UNC45B: variants seen among roughly 807,000 people sequenced by gnomAD.
UNC45B encodes protein unc-45 homolog B.
UNC45B carries 78 observed loss-of-function variants against 98.7 expected under a neutral mutation model. The observed-to-expected ratio is 0.79, with a 90% CI of 0.66 to 0.95. The LOEUF (loss-of-function observed/expected upper bound fraction) is 0.95. UNC45B is among the 40% of genes least tolerant of loss of function. The pLI is 0.00. For missense variants in UNC45B, 1,225 were observed against 1,184.9 expected, an observed-to-expected ratio of 1.03 and a Z score of -0.50; for synonymous variants, 462 against 480.4, an observed-to-expected ratio of 0.96 and a Z score of 0.50.
Position 35,175,715 on chromosome 17 carries a change from A to G in UNC45B, c.1959-253A>G, listed in dbSNP as rs4795062. ...TGAAAAGCTTCTCCTGGGTGGTTGC[A>G]TCCCTAAATAGTGATAGTGGGGAGT... On this transcript the variant is annotated intron_variant, in intron 14 of 19. Transcript: ENST00000394570. 0.79 allele frequency among the ~76,000 whole-genome samples: 119,615 copies of G among 152,028 alleles called. 47,227 individuals are homozygous for G. The highest frequency in any genetic ancestry group is 0.92 in the East Asian group (4,742 of 5,164).
chr17:35,180,655 C>A lies in UNC45B; in HGVS notation c.2352C>A (p.Cys784Ter). ...QLRQAATECM[C>*]NMVLHKEVQE... ...GGCAGGCGGCCACCGAGTGCATGTG[C>A]AACATGGTGCTCCACAAGGAGGTGA... Residue 784 changes from cysteine (C) to a stop codon, truncating the protein, a stop_gained, in exon 18 of 20, where the codon TGC becomes TGA. Coordinates refer to ENST00000394570, the MANE Select transcript of UNC45B (RefSeq NM_001267052.2). LOFTEE classifies it high-confidence loss of function. 1.2e-6 allele frequency: 2 copies of A among 1,613,490 alleles called. No individual in the cohort carries two copies. Among genetic ancestry groups the A allele is most frequent in the Non-Finnish European group, 1.7e-6 (2 of 1,179,828 alleles).
At position 35,186,348 on chromosome 17, in the gene UNC45B, T is replaced by A. The variant is rs1284610242; in HGVS notation, c.2579T>A (p.Leu860Gln). Residue 860 changes from leucine to glutamine, a missense_variant, in exon 20 of 20, where the codon CTG becomes CAG. Coordinates refer to ENST00000394570, the MANE Select transcript of UNC45B (RefSeq NM_001267052.2). ...ILQRLCLHDQ[L>Q]SVQHRGLVIA... ...CAGCGGCTTTGCCTGCACGACCAGC[T>A]GTCTGTCCAACACCGGGGCCTGGTC... 6.2e-7 allele frequency: 1 copy of A among 1,614,186 alleles called. No homozygotes were observed. The highest frequency in any genetic ancestry group is 1.1e-5 in the South Asian group (1 of 91,074).
intron 13 of UNC45B, 144 bp downstream of exon 13, chr17:35,171,606 T>C: frequency 1.1e-6 from 1 of 904,680 alleles, no homozygotes; most frequent in Non-Finnish European, 1.6e-6. Context: ...TTGAATATGT[T>C]AATGGTAAAC....
chr17:35,170,729 G>C (rs950627656), intron 12 of UNC45B, among the ~76,000 whole-genome samples: 3 of 151,896 alleles, frequency 2.0e-5, no homozygotes, highest in African/African-American at 7.3e-5. Flanking sequence ...CCAGCTACTC[G>C]GGAGGCTGAG....
rs545484956 is a variant in UNC45B, at chr17:35,154,913, A to G, written c.639+172A>G. ...GAAATGGGTTTCACTAAGCAAAGAC[A>G]AGTTACTGAAAGTGCCTAAGGCAGA... is the stretch of plus-strand genomic sequence containing the variant. On this transcript the variant is annotated intron_variant, in intron 6 of 19. Coordinates refer to ENST00000394570, the MANE Select transcript of UNC45B (RefSeq NM_001267052.2). Among the ~76,000 whole-genome samples, 6 of 152,382 alleles carry G rather than the reference A, an allele frequency of 3.9e-5. No individual in the cohort carries two copies. In the East Asian group the frequency reaches 1.2e-3, roughly 29 times the overall value.
rs558809863 is a variant in UNC45B at position 35,160,327 on chromosome 17, T to C, written c.979+782T>C. ...ATTTAACCTTTTATCTGTAGCTATC[T>C]GCTTAGGAATAAAAGGAAAGGCAGT... is the stretch of plus-strand genomic sequence containing the variant. On this transcript the variant is annotated intron_variant, in intron 8 of 19. Coordinates refer to ENST00000394570, the MANE Select transcript of UNC45B (RefSeq NM_001267052.2). Among the ~76,000 whole-genome samples, 6 of 152,358 alleles carry C rather than the reference T, an allele frequency of 3.9e-5. No homozygotes were observed. In the East Asian group the frequency reaches 1.2e-3, roughly 29 times the overall value.
At chr17:35,175,079 GAA>G (rs1567765991) in intron 14 of UNC45B, among the ~76,000 whole-genome samples, 2 of 129,706 alleles carry the variant, frequency 1.5e-5, no homozygotes, top group Admixed American at 8.1e-5. Context: ...AAGAAAGAAA[GAA>G]AGAAAGAGAA....
chr17:35,163,918 A>G, intron 8 of UNC45B, 77 bp from the exon 9 acceptor site: 2 of 1,442,238 alleles, frequency 1.4e-6, no homozygotes, highest in East Asian at 2.4e-5. Flanking sequence ...GCTGATGATA[A>G]CAAGTCACTG....
At chr17:35,153,699 T>C (rs1173966494) in intron 5 of UNC45B, among the ~76,000 whole-genome samples, 1 of 151,950 alleles carries the variant, frequency 6.6e-6, no homozygotes, top group East Asian at 1.9e-4. Context: ...GTTTGTTTTT[T>C]TTGTTTATTT....
At chr17:35,161,788 A>G (rs2092104233) in intron 8 of UNC45B, among the ~76,000 whole-genome samples, 1 of 152,074 alleles carries the variant, frequency 6.6e-6, no homozygotes, top group African/African-American at 2.4e-5. Flanking sequence ...CCATGCAATT[A>G]CAGGATTGGA....
intron 7 of UNC45B, among the ~76,000 whole-genome samples, chr17:35,157,119 T>C (rs764288980): frequency 2.6e-5 from 4 of 152,230 alleles, no homozygotes; most frequent in Non-Finnish European, 5.9e-5. Flanking sequence ...GGATTATTCA[T>C]CAATCAGCTC....
At chr17:35,185,550 C>T (rs2092298762) in intron 19 of UNC45B, among the ~76,000 whole-genome samples, 1 of 152,110 alleles carries the variant, frequency 6.6e-6, no homozygotes, top group Non-Finnish European at 1.5e-5. Context: ...TCATGCTCCG[C>T]CTGCCTCGGC....
At chr17:35,167,543 G>T (rs2092149560) in intron 9 of UNC45B, among the ~76,000 whole-genome samples, 1 of 151,766 alleles carries the variant, frequency 6.6e-6, no homozygotes, top group Admixed American at 6.6e-5. Context: ...GATTGCTTGA[G>T]CTTAGGGGTT....
Position 35,171,275 on chromosome 17 carries a change from T to G in UNC45B, c.1690-47T>G, listed in dbSNP as rs752401308. 6.9e-6 allele frequency: 11 copies of G among 1,602,254 alleles called. No homozygotes were observed. The South Asian group carries it at 1.1e-4, about 16-fold the overall frequency. ...GCATCCTGGAAGCAGAGGTTTGTCC[T>G]AAAGTTTCCTTTCTGCTTTCCCTCT... is the stretch of plus-strand genomic sequence containing the variant. On this transcript the variant is annotated intron_variant, in intron 12 of 19. Transcript: ENST00000394570.
chr17:35,181,785 C>T (rs1160385839), intron 18 of UNC45B, among the ~76,000 whole-genome samples: 2 of 85,174 alleles, frequency 2.3e-5, no homozygotes, highest in African/African-American at 8.6e-5. Flanking sequence ...AGCAAGACTG[C>T]ATCTCAAAAA....
intron 10 of UNC45B, among the ~76,000 whole-genome samples, chr17:35,169,563 G>T (rs1361830436): frequency 2.0e-5 from 3 of 152,114 alleles, no homozygotes; most frequent in Non-Finnish European, 4.4e-5. Context: ...CAAAATGGCA[G>T]GCACAATACA....
At chr17:35,158,758 T>C (rs116020873) in intron 7 of UNC45B, among the ~76,000 whole-genome samples, 7 of 152,354 alleles carry the variant, frequency 4.6e-5, no homozygotes, top group African/African-American at 1.7e-4. Context: ...GCGATGGAGC[T>C]GTATTCCTTC....
At position 35,171,425 on chromosome 17, in the gene UNC45B, A is replaced by G; in HGVS notation, c.1793A>G (p.Lys598Arg). Residue 598 changes from lysine to arginine, a missense_variant, in exon 13 of 20, where the codon AAG (lysine) becomes AGG (arginine). By Grantham distance (26) the Lys-to-Arg change is conservative. Coordinates refer to ENST00000394570, the MANE Select transcript of UNC45B (RefSeq NM_001267052.2). ...EVIPELVQLAKFSKQHVPEEH... is the reference protein window; with the variant it reads ...EVIPELVQLARFSKQHVPEEH... ...ATCCCAGAGCTTGTCCAGCTCGCCA[A>G]GTTCTCCAAGCAGCATGTGCCCGAG... is the stretch of plus-strand genomic sequence containing the variant. 1.2e-6 allele frequency: 2 copies of G among 1,614,148 alleles called. No homozygotes were observed. Among genetic ancestry groups the G allele is most frequent in the Non-Finnish European group, 1.7e-6 (2 of 1,180,020 alleles).
At chr17:35,177,208 A>G in intron 16 of UNC45B, 78 bp downstream of exon 16, 1 of 1,333,804 alleles carries the variant, frequency 7.5e-7, no homozygotes, top group Non-Finnish European at 1.1e-6. Context: ...TTGTCATTCT[A>G]CCTCGAGCCT....
Sources: allele counts gnomAD v4.1 joint callset (sites outside exome capture counted in the v4.1 genomes callset), GRCh38; gene constraint gnomAD v4.1.1; transcripts MANE v1.5; gene names NCBI Gene and HGNC (gene_info 2026-07-23, HGNC 2026-07-21).